FCRL6: variants seen among roughly 807,000 people sequenced by gnomAD.
The protein encoded by FCRL6 is Fc receptor like 6.
FCRL6 carries 50 observed loss-of-function variants against 49.1 expected under a neutral mutation model. The observed-to-expected ratio is 1.02, with a 90% confidence interval of 0.81 to 1.29. The LOEUF (loss-of-function observed/expected upper bound fraction) is 1.29. Ranked by LOEUF, FCRL6 falls within the 50% of genes most tolerant of loss-of-function variation. The pLI is 0.00. For synonymous variants in FCRL6, 213 were observed against 199.6 expected (o/e 1.07, Z -0.57); for missense variants, 571 against 518.5 (o/e 1.10, Z -0.98).
rs923376944 is a variant in FCRL6, at chr1:159,813,350, C to T, written c.1010-139C>T. Reference sequence around the variant, plus strand: ...CCCATAAAAATCAACCATGTCCAGACCTGTGAACTAGCCCTCCTAACCAAA... The same window carrying T: ...CCCATAAAAATCAACCATGTCCAGATCTGTGAACTAGCCCTCCTAACCAAA... On this transcript the variant is annotated intron_variant, in intron 6 of 9. Coordinates refer to ENST00000368106, the MANE Select transcript of FCRL6 (RefSeq NM_001004310.3). 4.8e-5 allele frequency: 33 copies of T among 692,050 alleles called. No homozygotes were observed. In the South Asian group the frequency reaches 5.2e-4, roughly 11 times the overall value. The allele number at this position is 692,050 out of a possible 1,614,324, so 42.9% of individuals were successfully genotyped here.
chr1:159,809,939 A>G (rs1307977592), intron 5 of FCRL6, among the ~76,000 whole-genome samples, 155 bp from the exon 6 acceptor site: 1 of 152,142 alleles, frequency 6.6e-6, no homozygotes, highest in Non-Finnish European at 1.5e-5. Flanking sequence ...CCTTGCTGCC[A>G]TCCCCTGAGC....
At chr1:159,812,730 C>T (rs1663161645) in intron 6 of FCRL6, among the ~76,000 whole-genome samples, 1 of 152,208 alleles carries the variant, frequency 6.6e-6, no homozygotes, top group African/African-American at 2.4e-5. Flanking sequence ...TCCACATATC[C>T]TACCCAGTGA....
rs1256669469 is a variant in FCRL6, at chr1:159,809,140, A to G, written c.499A>G (p.Ile167Val). ...CAGGGGCCCTCACCCAGAACTCTGC[A>G]TCCCGGGAGCCAAGGAGGGAGACTC... The part of the protein sequence containing the change: ...QDRGPHPELC[I>V]PGAKEGDSGL... Residue 167 changes from isoleucine to valine, a missense_variant, in exon 4 of 10, where the codon ATC becomes GTC. Coordinates refer to ENST00000368106, the MANE Select transcript of FCRL6 (RefSeq NM_001004310.3). 6.2e-7 allele frequency: 1 copy of G among 1,613,856 alleles called. No individual in the cohort carries two copies. Among genetic ancestry groups the G allele is most frequent in the East Asian group, 2.2e-5 (1 of 44,878 alleles).
chr1:159,815,520 G>A lies in FCRL6; in HGVS notation c.1180-16G>A. 1 of 1,614,172 alleles carries A rather than the reference G, an allele frequency of 6.2e-7. No homozygotes were observed. The highest frequency in any genetic ancestry group is 8.5e-7 in the Non-Finnish European group (1 of 1,180,004). On this transcript the variant is annotated splice_polypyrimidine_tract_variant and intron_variant, in intron 9 of 9. Transcript: ENST00000368106. ...TCTTACATTTGCTTCCTCATCCTGAGCCAACTCTTCCACAGGACAGTTCTA... is the reference window on the plus strand; with the variant it reads ...TCTTACATTTGCTTCCTCATCCTGAACCAACTCTTCCACAGGACAGTTCTA...
chr1:159,806,621 G>T lies in FCRL6; in HGVS notation c.52+5G>T. On this transcript the variant is annotated splice_donor_5th_base_variant and intron_variant, in intron 2 of 9. Transcript: ENST00000368106. ...TTCCCTGTGTTGGGAAAACTGGTAAGTTGTGTCCATGTCTCTTCTAATTCA... is the reference window on the plus strand; with the variant it reads ...TTCCCTGTGTTGGGAAAACTGGTAATTTGTGTCCATGTCTCTTCTAATTCA... 6.2e-7 allele frequency: 1 copy of T among 1,613,812 alleles called. No individual in the cohort carries two copies. The highest frequency in any genetic ancestry group is 8.5e-7 in the Non-Finnish European group (1 of 1,179,626).
chr1:159,809,273 C>T, intron 4 of FCRL6, 28 bp downstream of exon 4: 1 of 1,529,546 alleles, frequency 6.5e-7, no homozygotes, highest in Non-Finnish European at 8.8e-7. Flanking sequence ...TGGAGATGCC[C>T]CCAGGGCCCT....
intron 6 of FCRL6, among the ~76,000 whole-genome samples, chr1:159,810,973 C>G (rs904327507): frequency 6.6e-6 from 1 of 152,216 alleles, no homozygotes; most frequent in Non-Finnish European, 1.5e-5. Context: ...AAGATCACCC[C>G]AGCAGGTTCC....
At chr1:159,801,703 T>C (rs1662346521), upstream of FCRL6, among the ~76,000 whole-genome samples, 1 of 152,202 alleles carries the variant, frequency 6.6e-6, no homozygotes, top group South Asian at 2.1e-4. Flanking sequence ...GTGGGCCCTT[T>C]GTCAGCTACA....
chr1:159,803,103 T>C (rs1015755470), intron 1 of FCRL6, among the ~76,000 whole-genome samples: 7 of 152,148 alleles, frequency 4.6e-5, no homozygotes, highest in Admixed American at 3.9e-4. Context: ...GTTTGAAGAA[T>C]CAACTCCATT....
upstream of FCRL6, among the ~76,000 whole-genome samples, chr1:159,801,024 A>T (rs1465924349): frequency 1.3e-5 from 2 of 152,246 alleles, no homozygotes; most frequent in East Asian, 3.8e-4. Context: ...TCTCAATAAA[A>T]AAAAGAAAAA....
At position 159,815,748 on chromosome 1, in the gene FCRL6, G is replaced by T. The variant is rs995640153; in HGVS notation, c.*87G>T. 3.9e-6 allele frequency: 6 copies of T among 1,530,454 alleles called. No homozygotes were observed. The African/African-American group carries it at 5.4e-5, about 14-fold the overall frequency. The allele number at this position is 1,530,454 out of a possible 1,614,324, so 94.8% of individuals were successfully genotyped here. On this transcript the variant is annotated 3_prime_UTR_variant, in exon 10 of 10. Transcript: ENST00000368106. ...GTGGGGTCCTCAACTCTTTCTGTGGGTCCTTCAGTTCCCAAGCCCAGCATC... is the reference window on the plus strand; with the variant it reads ...GTGGGGTCCTCAACTCTTTCTGTGGTTCCTTCAGTTCCCAAGCCCAGCATC...
intron 4 of FCRL6, 45 bp downstream of exon 4, chr1:159,809,290 C>T: frequency 6.6e-7 from 1 of 1,525,468 alleles, no homozygotes; most frequent in Non-Finnish European, 8.8e-7. Flanking sequence ...CCCTGGGCGT[C>T]AGGCAGTGGG....
At chr1:159,810,335 A>AG (rs1571106925) in intron 6 of FCRL6, 119 bp downstream of exon 6, 1 of 1,253,184 alleles carries the variant, frequency 8.0e-7, no homozygotes, top group South Asian at 1.5e-5. Flanking sequence ...GTGGAGTGGC[A>AG]GGGGGGACTT....
Position 159,809,581 on chromosome 1 carries a change from C to A in FCRL6, c.784C>A (p.Leu262Ile), listed in dbSNP as rs149576319. ...SAPCGGTTSL[L>I]FPVKSEQDAG... ...TCCCTGTGGTGGAACCACCTCCCTC[C>A]TCTTCCCAGTGAAGTCAGAACAGGA... Residue 262 changes from leucine to isoleucine, a missense_variant, in exon 5 of 10, where the codon CTC (leucine) becomes ATC (isoleucine). Leu to Ile is a conservative substitution (Grantham distance 5). Coordinates refer to ENST00000368106, the MANE Select transcript of FCRL6 (RefSeq NM_001004310.3). The A allele has an allele frequency of 1.2e-5, 19 of 1,614,064 alleles. No individual in the cohort carries two copies. The African/African-American group carries it at 1.9e-4, about 16-fold the overall frequency.
intron 1 of FCRL6, among the ~76,000 whole-genome samples, chr1:159,805,210 A>T (rs1415443609): frequency 6.6e-6 from 1 of 152,198 alleles, no homozygotes; most frequent in South Asian, 2.1e-4. Flanking sequence ...TTGAGAGCAT[A>T]TGACTGAGCT....
chr1:159,806,624 G>T lies in FCRL6; in HGVS notation c.52+8G>T. 1.9e-6 allele frequency: 3 copies of T among 1,613,670 alleles called. No individual in the cohort carries two copies. Among genetic ancestry groups the T allele is most frequent in the Non-Finnish European group, 2.5e-6 (3 of 1,179,494 alleles). ...CCTGTGTTGGGAAAACTGGTAAGTTGTGTCCATGTCTCTTCTAATTCAAAG... is the reference window on the plus strand; with the variant it reads ...CCTGTGTTGGGAAAACTGGTAAGTTTTGTCCATGTCTCTTCTAATTCAAAG... On this transcript the variant is annotated splice_region_variant and intron_variant, in intron 2 of 9. Transcript: ENST00000368106.
chr1:159,803,707 G>A (rs1046407134), intron 1 of FCRL6, among the ~76,000 whole-genome samples: 30 of 152,272 alleles, frequency 2.0e-4, no homozygotes, highest in African/African-American at 6.3e-4. Flanking sequence ...AACCCAGGAC[G>A]AGGATGACAG....
chr1:159,812,384 C>T (rs1255461821), intron 6 of FCRL6, among the ~76,000 whole-genome samples: 1 of 152,220 alleles, frequency 6.6e-6, no homozygotes, highest in Non-Finnish European at 1.5e-5. Flanking sequence ...AGACAGTCTA[C>T]AGATGTCATG....
rs1374863535 is a variant in FCRL6 at position 159,815,742 on chromosome 1, C to T, written c.*81C>T. ...AAGACAGTGGGGTCCTCAACTCTTT[C>T]TGTGGGTCCTTCAGTTCCCAAGCCC... On this transcript the variant is annotated 3_prime_UTR_variant, in exon 10 of 10. Transcript: ENST00000368106. 6.4e-7 allele frequency: 1 copy of T among 1,552,692 alleles called. No individual in the cohort carries two copies. Among genetic ancestry groups the T allele is most frequent in the South Asian group, 1.1e-5 (1 of 87,908 alleles).
Sources: allele counts gnomAD v4.1 joint callset (sites outside exome capture counted in the v4.1 genomes callset), GRCh38; gene constraint gnomAD v4.1.1; transcripts MANE v1.5; gene names NCBI Gene and HGNC (gene_info 2026-07-23, HGNC 2026-07-21).